Variants in PLEKHM3 observed in about 807,000 individuals in gnomAD.
PLEKHM3 encodes the protein pleckstrin homology domain-containing family M member 3.
PLEKHM3 carries 45 observed loss-of-function variants against 81.8 expected under a neutral mutation model. That is an observed-to-expected ratio of 0.55 (90% CI 0.43 to 0.71). The LOEUF (loss-of-function observed/expected upper bound fraction) is 0.71. Ranked by LOEUF, PLEKHM3 falls within the 30% of genes least tolerant of loss-of-function variation. The pLI is 0.00. For synonymous variants in PLEKHM3, 352 were observed against 356.4 expected (o/e 0.99, Z 0.14); for missense variants, 788 against 924.3 (o/e 0.85, Z 1.91).
chr2:207,849,370 T>A (rs751614806), intron 7 of PLEKHM3, among the ~76,000 whole-genome samples: 4 of 151,644 alleles, frequency 2.6e-5, no homozygotes, highest in Middle Eastern at 3.4e-3. Context: ...AGTAGCAGAG[T>A]ATGCTAACTC....
chr2:207,928,909 T>C (rs1375960333), intron 5 of PLEKHM3, among the ~76,000 whole-genome samples: 1 of 152,234 alleles, frequency 6.6e-6, no homozygotes, highest in Non-Finnish European at 1.5e-5. Flanking sequence ...CAACTATTTT[T>C]GAGTGTTTTG....
At chr2:207,993,188 T>C (rs1197647401) in intron 2 of PLEKHM3, among the ~76,000 whole-genome samples, 1 of 152,188 alleles carries the variant, frequency 6.6e-6, no homozygotes, top group Non-Finnish European at 1.5e-5. Flanking sequence ...TAGAGAAGTG[T>C]TATGAATCAG....
At chr2:207,970,363 T>C (rs1284955151) in intron 3 of PLEKHM3, among the ~76,000 whole-genome samples, 1 of 150,640 alleles carries the variant, frequency 6.6e-6, no homozygotes, top group Non-Finnish European at 1.5e-5. Flanking sequence ...CATACTTCTT[T>C]ATCAGAGGTT....
At chr2:207,948,006 A>G (rs958449883) in intron 3 of PLEKHM3, among the ~76,000 whole-genome samples, 4 of 152,244 alleles carry the variant, frequency 2.6e-5, no homozygotes, top group Non-Finnish European at 5.9e-5. Flanking sequence ...GAAGATAAGT[A>G]AATATATTAG....
At chr2:207,940,977 T>C (rs1689921322) in intron 4 of PLEKHM3, among the ~76,000 whole-genome samples, 1 of 152,154 alleles carries the variant, frequency 6.6e-6, no homozygotes, top group Non-Finnish European at 1.5e-5. Context: ...TTCATTTTTC[T>C]CCTTGAAGTA....
chr2:207,828,268 G>A lies in PLEKHM3; in HGVS notation c.*51C>T. The stretch of plus-strand genomic sequence containing the variant: ...ACTGGCTAGTTAGGAGGCCGCTCTG[G>A]GGCTGATGGATTGTTGATTGGTGAA... On this transcript the variant is annotated 3_prime_UTR_variant, in exon 8 of 8. Transcript: ENST00000427836. The A allele has an allele frequency of 6.4e-7, 1 of 1,573,418 alleles. No individual in the cohort carries two copies. Among genetic ancestry groups the A allele is most frequent in the Non-Finnish European group, 8.6e-7 (1 of 1,158,190 alleles).
At chr2:207,990,305 C>A (rs1691855544) in intron 2 of PLEKHM3, among the ~76,000 whole-genome samples, 3 of 152,260 alleles carry the variant, frequency 2.0e-5, no homozygotes, top group South Asian at 2.1e-4. Flanking sequence ...CCAAAATGTA[C>A]CCCTGTTCTA....
At chr2:207,901,256 C>A (rs1034976490) in intron 6 of PLEKHM3, 1 of 703,018 alleles carries the variant, frequency 1.4e-6, no homozygotes. Flanking sequence ...CGAGCTCCCC[C>A]GATCCTTCAA....
chr2:207,921,702 T>C (rs899925510), intron 5 of PLEKHM3, among the ~76,000 whole-genome samples: 1 of 152,242 alleles, frequency 6.6e-6, no homozygotes, highest in African/African-American at 2.4e-5. Context: ...ATTGTTCTAC[T>C]CTCTACTTCT....
chr2:207,870,988 G>C (rs142256294), intron 6 of PLEKHM3, among the ~76,000 whole-genome samples: 1 of 152,110 alleles, frequency 6.6e-6, no homozygotes, highest in African/African-American at 2.4e-5. Flanking sequence ...TGCACCTGTA[G>C]TCCAAGCTAC....
chr2:207,999,877 C>T (rs1458709417), intron 2 of PLEKHM3, among the ~76,000 whole-genome samples: 1 of 152,132 alleles, frequency 6.6e-6, no homozygotes, highest in Admixed American at 6.5e-5. Context: ...CAATAGAATA[C>T]CATGCAATGA....
chr2:208,017,777 T>C (rs1574495605), intron 1 of PLEKHM3, among the ~76,000 whole-genome samples: 1 of 152,200 alleles, frequency 6.6e-6, no homozygotes, highest in African/African-American at 2.4e-5. Flanking sequence ...GATTTTCTTT[T>C]TGCTAAACCC....
At chr2:207,863,757 TG>T (rs750338217) in intron 6 of PLEKHM3, among the ~76,000 whole-genome samples, 1 of 152,190 alleles carries the variant, frequency 6.6e-6, no homozygotes, top group Non-Finnish European at 1.5e-5. Flanking sequence ...AAAAAAAACC[TG>T]GCCATTCACT....
chr2:207,930,714 T>C (rs1231943420), intron 5 of PLEKHM3, among the ~76,000 whole-genome samples: 1 of 152,172 alleles, frequency 6.6e-6, no homozygotes, highest in African/African-American at 2.4e-5. Context: ...GTGAATGTTA[T>C]TTTCATTTTG....
intron 3 of PLEKHM3, among the ~76,000 whole-genome samples, chr2:207,962,616 G>A (rs1690776344): frequency 6.6e-6 from 1 of 152,202 alleles, no homozygotes. Context: ...CCCTGAACTT[G>A]CACTGGCATC....
intron 1 of PLEKHM3, among the ~76,000 whole-genome samples, chr2:208,016,812 T>G (rs1478008417): frequency 1.3e-5 from 2 of 152,034 alleles, no homozygotes; most frequent in South Asian, 2.1e-4. Context: ...GGGTCTCAAT[T>G]TTCTATGTAT....
Position 207,843,391 on chromosome 2 carries a change from T to C in PLEKHM3, c.2109-14895A>G, listed in dbSNP as rs1559204040. Among the ~76,000 whole-genome samples, 3 of 152,292 alleles carry C rather than the reference T, an allele frequency of 2.0e-5. No homozygotes were observed. The highest frequency in any genetic ancestry group is 7.2e-5 in the African/African-American group (3 of 41,570). On this transcript the variant is annotated intron_variant, in intron 7 of 7. Transcript: ENST00000427836. The surrounding 1 kb of genome is among the most constrained non-coding windows in gnomAD (Gnocchi z 4.4). ...GAGAAGGAGACTTGAGTACTGCTTG[T>C]AGGTACTTTGGAAGTATTAAAGTCC...
In PLEKHM3 at chr2:207,969,847, C is replaced by A. The variant is rs539832560; in HGVS notation, c.1546+6804G>T. 3.9e-5 allele frequency among the ~76,000 whole-genome samples: 6 copies of A among 152,264 alleles called. No homozygotes were observed. The South Asian group carries it at 1.2e-3, about 32-fold the overall frequency. On this transcript the variant is annotated intron_variant, in intron 3 of 7. Transcript: ENST00000427836. ...TTATTTCTTATTCCACAACTCCCCCCACTAAGCATATAAATGTTATTAGTA... is the reference window on the plus strand; with the variant it reads ...TTATTTCTTATTCCACAACTCCCCCAACTAAGCATATAAATGTTATTAGTA...
chr2:207,902,346 C>T (rs2105890902), intron 6 of PLEKHM3, among the ~76,000 whole-genome samples: 1 of 152,274 alleles, frequency 6.6e-6, no homozygotes, highest in South Asian at 2.1e-4. Context: ...CACATCACTT[C>T]CTTGAAGAAG....
Sources: allele counts gnomAD v4.1 joint callset (sites outside exome capture counted in the v4.1 genomes callset), GRCh38; gene constraint gnomAD v4.1.1; non-coding constraint Gnocchi (gnomAD v3.1); transcripts MANE v1.5; gene names NCBI Gene and HGNC (gene_info 2026-07-23, HGNC 2026-07-21).